The following CNTN5 variants were observed in gnomAD, a reference collection of about 807,000 sequenced individuals.
CNTN5 encodes contactin 5.
A neutral mutation model predicts 129.1 loss-of-function variants in CNTN5; 77 were observed. That is an observed-to-expected ratio of 0.60 (90% CI 0.50 to 0.72). The LOEUF (loss-of-function observed/expected upper bound fraction) is 0.72. Among genes scored for constraint, CNTN5 ranks in the 30% least tolerant of loss-of-function variants. The pLI is 0.00. For synonymous variants in CNTN5, 509 were observed against 465.6 expected, an observed-to-expected ratio of 1.09 and a Z score of -1.20; for missense variants, 1,478 against 1,328.8, an observed-to-expected ratio of 1.11 and a Z score of -1.75.
intron 1 of CNTN5, among the ~76,000 whole-genome samples, chr11:99,095,247 T>C (rs1273742688): frequency 1.3e-5 from 2 of 151,956 alleles, no homozygotes; most frequent in African/African-American, 4.8e-5. Context: ...GATTTGGAAA[T>C]GTTCTACCTA....
At chr11:99,277,114 T>C (rs1863476831) in intron 1 of CNTN5, among the ~76,000 whole-genome samples, 1 of 151,670 alleles carries the variant, frequency 6.6e-6, no homozygotes, top group African/African-American at 2.4e-5. Context: ...ATCATATACA[T>C]AGAAGAATAT....
intron 4 of CNTN5, among the ~76,000 whole-genome samples, chr11:99,820,284 C>A (rs573716034): frequency 1.2e-4 from 18 of 152,326 alleles, no homozygotes; most frequent in African/African-American, 4.1e-4. Flanking sequence ...TTTGGAAGGC[C>A]AATTTGACAG....
At chr11:100,246,494 T>C (rs929119505) in intron 16 of CNTN5, among the ~76,000 whole-genome samples, 3 of 152,146 alleles carry the variant, frequency 2.0e-5, no homozygotes, top group African/African-American at 7.2e-5. Context: ...GTCATAGAAG[T>C]TGAAATTCAG....
chr11:99,092,297 A>C (rs1866284392), intron 1 of CNTN5, among the ~76,000 whole-genome samples: 1 of 152,076 alleles, frequency 6.6e-6, no homozygotes, highest in African/African-American at 2.4e-5. Flanking sequence ...AGTATACCTC[A>C]TTTATTGTAT....
intron 7 of CNTN5, among the ~76,000 whole-genome samples, chr11:99,933,010 C>T (rs909820483): frequency 1.3e-5 from 2 of 152,046 alleles, no homozygotes; most frequent in Non-Finnish European, 2.9e-5. Context: ...GCTGACATAG[C>T]CCTGGATGTT....
chr11:100,310,620 G>A (rs369054526), intron 21 of CNTN5, among the ~76,000 whole-genome samples: 6 of 151,898 alleles, frequency 4.0e-5, no homozygotes, highest in South Asian at 2.1e-4. Flanking sequence ...AGAAATAAGC[G>A]CATGATTTTT....
intron 21 of CNTN5, among the ~76,000 whole-genome samples, chr11:100,317,495 A>G (rs1342548705): frequency 2.6e-5 from 4 of 152,254 alleles, no homozygotes; most frequent in Non-Finnish European, 5.9e-5. Context: ...ATAAGAAAAA[A>G]TAAAATGCCA....
chr11:99,729,558 C>G (rs777218228), intron 3 of CNTN5, among the ~76,000 whole-genome samples: 1 of 152,084 alleles, frequency 6.6e-6, no homozygotes, highest in Non-Finnish European at 1.5e-5. Context: ...CTATTAGAAA[C>G]TAGAGGGCTG....
chr11:99,112,579 T>G (rs908731996), intron 1 of CNTN5, among the ~76,000 whole-genome samples: 1 of 152,048 alleles, frequency 6.6e-6, no homozygotes, highest in Admixed American at 6.6e-5. Flanking sequence ...ATAGAGATAA[T>G]GCATTTGCCA....
At chr11:99,733,159 A>G (rs1231543576) in intron 3 of CNTN5, among the ~76,000 whole-genome samples, 4 of 151,844 alleles carry the variant, frequency 2.6e-5, no homozygotes, top group Non-Finnish European at 5.9e-5. Flanking sequence ...CCTCGTCTCT[A>G]CTAAGAATAC....
At chr11:100,184,826 T>C (rs914662722) in intron 13 of CNTN5, among the ~76,000 whole-genome samples, 1 of 152,212 alleles carries the variant, frequency 6.6e-6, no homozygotes, top group Non-Finnish European at 1.5e-5. Flanking sequence ...AATAAGTTGA[T>C]ACAGTATGGC....
chr11:100,136,345 C>A (rs1305777887), intron 13 of CNTN5, among the ~76,000 whole-genome samples: 1 of 151,982 alleles, frequency 6.6e-6, no homozygotes, highest in African/African-American at 2.4e-5. Flanking sequence ...TTCTAAAGAT[C>A]ACATATTCAT....
At chr11:100,130,964 A>G (rs939872758) in intron 13 of CNTN5, among the ~76,000 whole-genome samples, 1 of 152,176 alleles carries the variant, frequency 6.6e-6, no homozygotes, top group Admixed American at 6.6e-5. Context: ...TTAGAATTGT[A>G]TGCTGTTGAT....
intron 2 of CNTN5, among the ~76,000 whole-genome samples, chr11:99,527,934 G>C (rs559367586): frequency 3.7e-4 from 56 of 152,266 alleles, no homozygotes; most frequent in African/African-American, 1.3e-3. Context: ...AAACAATCCA[G>C]AGATGCAAAT....
chr11:100,110,795 G>T (rs1234038376), intron 13 of CNTN5, among the ~76,000 whole-genome samples: 1 of 152,136 alleles, frequency 6.6e-6, no homozygotes, highest in East Asian at 1.9e-4. Flanking sequence ...GGAACCATTT[G>T]CCACAACAGT....
chr11:100,230,413 C>G (rs1949464517), intron 16 of CNTN5, among the ~76,000 whole-genome samples: 1 of 152,116 alleles, frequency 6.6e-6, no homozygotes, highest in Non-Finnish European at 1.5e-5. Context: ...TGTTTCTTTT[C>G]TCTTATGCTT....
At chr11:99,186,987 C>G (rs1258483404) in intron 1 of CNTN5, among the ~76,000 whole-genome samples, 2 of 151,820 alleles carry the variant, frequency 1.3e-5, no homozygotes, top group African/African-American at 4.8e-5. Flanking sequence ...GTCAAATGGA[C>G]AATGAGAGCT....
At chr11:99,747,739 T>A (rs1195792478) in intron 3 of CNTN5, among the ~76,000 whole-genome samples, 1 of 152,200 alleles carries the variant, frequency 6.6e-6, no homozygotes, top group Non-Finnish European at 1.5e-5. Flanking sequence ...CCCAAAGTGC[T>A]GGGATTACAG....
chr11:99,334,898 T>C (rs543704269), intron 2 of CNTN5, among the ~76,000 whole-genome samples: 1 of 152,282 alleles, frequency 6.6e-6, no homozygotes, highest in Non-Finnish European at 1.5e-5. Context: ...ATACACATTG[T>C]TTCTGTATTG....
Sources: gnomAD v4.1 joint callset for allele counts (sites outside exome capture counted in the v4.1 genomes callset) on GRCh38, gnomAD v4.1.1 for gene constraint, MANE v1.5 for transcripts, NCBI Gene and HGNC (gene_info 2026-07-23, HGNC 2026-07-21) for gene names.